The following ZNF568 variants were observed in gnomAD, a reference collection of about 807,000 sequenced individuals.
The protein encoded by ZNF568 is zinc finger protein 568.
ZNF568 carries 11 observed loss-of-function variants against 18.1 expected under a neutral mutation model. The ratio of observed to expected loss-of-function variants is 0.61; its 90% confidence interval spans 0.38 to 1.00. The LOEUF is 1.00. Among genes scored for constraint, ZNF568 ranks in the 50% least tolerant of loss-of-function variants. ZNF568 has a pLI of 0.01. For synonymous variants in ZNF568, 213 were observed against 246.6 expected, an observed-to-expected ratio of 0.86 and a Z score of 1.28; for missense variants, 639 against 768.2, an observed-to-expected ratio of 0.83 and a Z score of 1.99.
At chr19:36,938,555 A>G (rs2073827701) in intron 6 of ZNF568, among the ~76,000 whole-genome samples, 1 of 152,192 alleles carries the variant, frequency 6.6e-6, no homozygotes, top group African/African-American at 2.4e-5. Context: ...TTATGAGCTT[A>G]TAATTTAATG....
chr19:36,996,294 TTTTC>T, intron 4 of ZNF568: 1 of 1,494,648 alleles, frequency 6.7e-7, no homozygotes, highest in Non-Finnish European at 8.9e-7. Context: ...ATACCTCCTA[TTTTC>T]TTTCTTATTA....
In ZNF568 at chr19:36,949,756, G is replaced by C. The variant is rs1453189463; in HGVS notation, c.603G>C (p.Glu201Asp). 1.2e-6 allele frequency: 2 copies of C among 1,613,842 alleles called. No individual in the cohort carries two copies. The highest frequency in any genetic ancestry group is 1.7e-6 in the Non-Finnish European group (2 of 1,179,926). Residue 201 changes from glutamate to aspartate, a missense_variant, in exon 7 of 7, where the codon GAG becomes GAC. Glu to Asp is a conservative substitution (Grantham distance 45). Transcript: ENST00000333987. ...GATATGAGAAAGGCTGTGTAAGAGA[G>C]AAACAGAGTAATGAGTTTGGGAAAC... ...LLRYEKGCVREKQSNEFGKPF... is the reference protein window; with the variant it reads ...LLRYEKGCVRDKQSNEFGKPF...
At chr19:36,968,618 TATC>T (rs1178232736) in intron 6 of ZNF568, among the ~76,000 whole-genome samples, 2 of 151,202 alleles carry the variant, frequency 1.3e-5, no homozygotes, top group Non-Finnish European at 2.9e-5. Flanking sequence ...GGTCTGAAGT[TATC>T]ATCCCTCAGG....
chr19:36,957,219 CTTTTTTTTTTTTTTTTT>C (rs56712509), downstream of ZNF568, among the ~76,000 whole-genome samples: 2 of 69,570 alleles, frequency 2.9e-5, no homozygotes, highest in East Asian at 6.2e-4. Flanking sequence ...CCAGACTGTT[CTTTTTTTTTTTTTTTTT>C]TTTTTTTTTT....
intron 4 of ZNF568, among the ~76,000 whole-genome samples, chr19:36,928,420 G>A (rs1415141716): frequency 2.0e-5 from 3 of 151,970 alleles, no homozygotes; most frequent in Non-Finnish European, 2.9e-5. Flanking sequence ...TTATTCACAC[G>A]CATACAACAC....
At chr19:36,984,849 G>T, downstream of ZNF568, among the ~76,000 whole-genome samples, 1 of 151,490 alleles carries the variant, frequency 6.6e-6, no homozygotes, top group Non-Finnish European at 1.5e-5. Flanking sequence ...ATCTCAAATT[G>T]CTTTTCACGT....
At chr19:36,995,630 C>T (rs1579314) in intron 4 of ZNF568, among the ~76,000 whole-genome samples, 81,245 of 151,642 alleles carry the variant, frequency 0.54, 22,251 homozygotes, top group African/African-American at 0.62. Context: ...CCATTACTAC[C>T]TTCTGTTATA....
intron 6 of ZNF568, among the ~76,000 whole-genome samples, chr19:36,967,545 A>G (rs1485023954): frequency 2.6e-5 from 4 of 152,206 alleles, no homozygotes; most frequent in African/African-American, 9.6e-5. Context: ...CCTAGGCAAC[A>G]GAGCAATACT....
chr19:36,985,869 A>G (rs1318832998), intron 2 of ZNF568, among the ~76,000 whole-genome samples: 1 of 152,098 alleles, frequency 6.6e-6, no homozygotes, highest in Non-Finnish European at 1.5e-5. Flanking sequence ...TTCACATAAT[A>G]TATAGTTAAC....
intron 7 of ZNF568, chr19:36,974,512 A>G (rs1375477): frequency 0.53 from 803,104 of 1,515,846 alleles, 215,123 homozygotes; most frequent in African/African-American, 0.66. Context: ...ACTGGTTTTC[A>G]GGACAGTGTC....
chr19:36,986,616 A>G (rs1428970034), intron 2 of ZNF568, among the ~76,000 whole-genome samples: 1 of 151,808 alleles, frequency 6.6e-6, no homozygotes, highest in Non-Finnish European at 1.5e-5. Context: ...CCTATGATTG[A>G]TTTTCTTTTT....
Position 36,917,135 on chromosome 19 carries a change from C to T in ZNF568, c.-255-444C>T, listed in dbSNP as rs545229622. 2.8e-4 allele frequency among the ~76,000 whole-genome samples: 42 copies of T among 152,296 alleles called. 1 individual carries two copies. In the South Asian group the frequency reaches 8.5e-3, roughly 31 times the overall value. On this transcript the variant is annotated intron_variant, in intron 1 of 6. Transcript: ENST00000333987. Reference sequence around the variant, plus strand: ...CCTTACTCTCCTGTTCACAGGCTTGCGCATTGACTGTGTTCAGCTGATCTA... The same window carrying T: ...CCTTACTCTCCTGTTCACAGGCTTGTGCATTGACTGTGTTCAGCTGATCTA...
At chr19:36,919,616 G>A (rs908833284) in intron 2 of ZNF568, among the ~76,000 whole-genome samples, 10 of 152,142 alleles carry the variant, frequency 6.6e-5, no homozygotes, top group Admixed American at 4.6e-4. Flanking sequence ...GAGCTCAGGC[G>A]GTAATGCTCA....
Position 36,950,654 on chromosome 19 carries a change from C to A in ZNF568, c.1501C>A (p.Pro501Thr), listed in dbSNP as rs565411847. 2 of 1,613,944 alleles carry A rather than the reference C, an allele frequency of 1.2e-6. No individual in the cohort carries two copies. The highest frequency in any genetic ancestry group is 1.1e-5 in the South Asian group (1 of 91,078). The change falls in exon 7 of 7, where the codon CCC becomes ACC. Residue 501 changes from proline (P) to threonine (T), a missense_variant. Transcript: ENST00000333987. The stretch of plus-strand genomic sequence containing the variant: ...CCAGAGAATTCATACGGGTGAGAAA[C>A]CCTATGCATGTACAGTATGTGGAAA... ...RHQRIHTGEK[P>T]YACTVCGKAF...
intron 4 of ZNF568, among the ~76,000 whole-genome samples, chr19:36,934,250 T>C (rs2073749325): frequency 6.6e-6 from 1 of 151,804 alleles, no homozygotes; most frequent in Non-Finnish European, 1.5e-5. Context: ...TTCTGATGTT[T>C]GCTTATTTCC....
At chr19:36,944,408 AC>A (rs2073930591) in intron 6 of ZNF568, among the ~76,000 whole-genome samples, 2 of 151,986 alleles carry the variant, frequency 1.3e-5, no homozygotes, top group Admixed American at 6.6e-5. Flanking sequence ...CAAAAAAAAA[AC>A]AAAAAAGAAA....
chr19:36,946,523 T>G lies in ZNF568; in HGVS notation c.359-2989T>G, dbSNP rs142939485. On this transcript the variant is annotated intron_variant, in intron 6 of 6. Coordinates refer to ENST00000333987, the MANE Select transcript of ZNF568 (RefSeq NM_198539.4). ...CAAAATTCTTTGTTTAAATAAGGAA[T>G]CCATCGTTGTTATTAGTTTACCTCA... Among the ~76,000 whole-genome samples the G allele has an allele frequency of 2.1e-3, 318 of 152,150 alleles. 3 individuals carry two copies. The highest frequency in any genetic ancestry group is 7.5e-3 in the African/African-American group (310 of 41,534).
chr19:36,949,777 G>T lies in ZNF568; in HGVS notation c.624G>T (p.Gly208=). 6.2e-7 allele frequency: 1 copy of T among 1,613,952 alleles called. No individual in the cohort carries two copies. Among genetic ancestry groups the T allele is most frequent in the Non-Finnish European group, 8.5e-7 (1 of 1,179,932 alleles). ...GAGAGAAACAGAGTAATGAGTTTGG[G>T]AAACCATTTTACCATTGTGCATCCT... ...CVREKQSNEF[G]KPFYHCASYV... Residue 208 remains glycine (G), a synonymous_variant, in exon 7 of 7, where the codon GGG becomes GGT. Transcript: ENST00000333987.
downstream of ZNF568, among the ~76,000 whole-genome samples, chr19:36,953,070 A>G (rs957781990): frequency 6.6e-6 from 1 of 152,190 alleles, no homozygotes; most frequent in South Asian, 2.1e-4. Context: ...AACAAATGAA[A>G]TGTGTTTTTA....
Sources: allele counts gnomAD v4.1 joint callset (sites outside exome capture counted in the v4.1 genomes callset), GRCh38; gene constraint gnomAD v4.1.1; transcripts MANE v1.5; gene names NCBI Gene and HGNC (gene_info 2026-07-23, HGNC 2026-07-21).